MYO5B: variants seen among roughly 807,000 people sequenced by gnomAD.
The protein encoded by MYO5B is unconventional myosin-Vb.
MYO5B carries 143 observed loss-of-function variants against 229.3 expected under a neutral mutation model. That is an observed-to-expected ratio of 0.62 (90% confidence interval 0.54 to 0.72). The LOEUF is 0.72. Ranked by LOEUF, MYO5B falls within the 30% of genes least tolerant of loss-of-function variation. The probability of loss-of-function intolerance (pLI) is 0.00; values close to 1 mark genes in which losing one functional copy is unlikely to be tolerated. For missense variants in MYO5B, 2,321 were observed against 2,331.0 expected (o/e 1.00, Z 0.09); for synonymous variants, 918 against 885.2 (o/e 1.04, Z -0.66).
intron 1 of MYO5B, among the ~76,000 whole-genome samples, chr18:50,102,230 C>T (rs72917871): frequency 0.14 from 21,902 of 152,014 alleles, 1,664 homozygotes; most frequent in East Asian, 0.23. Context: ...AGGGGAACAA[C>T]ATACACTGAG....
intron 1 of MYO5B, among the ~76,000 whole-genome samples, chr18:50,122,003 G>A (rs943597076): frequency 6.6e-6 from 1 of 152,210 alleles, no homozygotes; most frequent in African/African-American, 2.4e-5. Context: ...AGTTCATGAG[G>A]CTTGCAGTCA....
At chr18:49,856,377 C>T (rs1453698998) in intron 30 of MYO5B, among the ~76,000 whole-genome samples, 2 of 152,158 alleles carry the variant, frequency 1.3e-5, no homozygotes, top group African/African-American at 4.8e-5. Flanking sequence ...ACATTTGGAG[C>T]ACAGCCAGCA....
At chr18:49,831,502 G>A (rs2023921453) in intron 39 of MYO5B, among the ~76,000 whole-genome samples, 1 of 152,104 alleles carries the variant, frequency 6.6e-6, no homozygotes, top group East Asian at 1.9e-4. Context: ...ATGGCCAATA[G>A]GCACACGAAA....
intron 33 of MYO5B, among the ~76,000 whole-genome samples, chr18:49,843,707 C>T (rs1477401737): frequency 6.6e-6 from 1 of 152,234 alleles, no homozygotes; most frequent in African/African-American, 2.4e-5. Context: ...GCAAGTTACA[C>T]AGATGCCTCA....
At chr18:49,936,165 C>G (rs1052646576) in intron 16 of MYO5B, 87 bp downstream of exon 16, 2 of 1,160,802 alleles carry the variant, frequency 1.7e-6, no homozygotes, top group African/African-American at 1.5e-5. Context: ...CTGAAGGCCA[C>G]AGACCCCCAG....
At chr18:50,058,881 C>G (rs954907001) in intron 1 of MYO5B, among the ~76,000 whole-genome samples, 1 of 152,108 alleles carries the variant, frequency 6.6e-6, no homozygotes, top group Non-Finnish European at 1.5e-5. Flanking sequence ...AACCTCTGTC[C>G]TTGTACTTAC....
rs62098715 is a variant in MYO5B at position 49,853,685 on chromosome 18, G to T, written c.4023-38C>A. On this transcript the variant is annotated intron_variant, in intron 30 of 39. Coordinates refer to ENST00000285039, the MANE Select transcript of MYO5B (RefSeq NM_001080467.3). The stretch of plus-strand genomic sequence containing the variant: ...GAGGACAGGTGAGCACGTGGCCCAG[G>T]CCAGGGCCCCCATCTGAGGGGACAC... 7 of 1,593,752 alleles carry T rather than the reference G, an allele frequency of 4.4e-6. No homozygotes were observed. The South Asian group carries it at 7.8e-5, about 18-fold the overall frequency.
intron 1 of MYO5B, among the ~76,000 whole-genome samples, chr18:50,159,461 G>C (rs2032730773): frequency 6.6e-6 from 1 of 152,000 alleles, no homozygotes; most frequent in Non-Finnish European, 1.5e-5. Flanking sequence ...TACAACCCAG[G>C]AAACTCAAGC....
chr18:49,864,364 G>A lies in MYO5B; in HGVS notation c.3620C>T (p.Ser1207Leu), dbSNP rs2024371242. 1.2e-6 allele frequency: 2 copies of A among 1,613,420 alleles called. No homozygotes were observed. The highest frequency in any genetic ancestry group is 1.7e-5 in the Admixed American group (1 of 60,012). ...GTCATTCTTCAGCTTTTTGTTCTCTGACTCCAGCTCTTGCCTCTGGAAGAC... is the reference window on the plus strand; with the variant it reads ...GTCATTCTTCAGCTTTTTGTTCTCTAACTCCAGCTCTTGCCTCTGGAAGAC... ...YNSLKRQELE[S>L]ENKKLKNDLN... The change falls in exon 28 of 40, where the codon TCA becomes TTA. Residue 1207 changes from serine to leucine, a missense_variant. Coordinates refer to ENST00000285039, the MANE Select transcript of MYO5B (RefSeq NM_001080467.3).
intron 1 of MYO5B, among the ~76,000 whole-genome samples, chr18:50,183,636 A>G (rs925875680): frequency 6.6e-6 from 1 of 152,064 alleles, no homozygotes; most frequent in Non-Finnish European, 1.5e-5. Flanking sequence ...GTTTTAGATC[A>G]GAAATACCCA....
chr18:49,945,940 G>C (rs1380065934), intron 14 of MYO5B, among the ~76,000 whole-genome samples: 1 of 152,192 alleles, frequency 6.6e-6, no homozygotes, highest in Non-Finnish European at 1.5e-5. Flanking sequence ...ATTCATGCCT[G>C]TCTGTCATGG....
chr18:50,161,178 G>A (rs1407262936), intron 1 of MYO5B, among the ~76,000 whole-genome samples: 2 of 152,198 alleles, frequency 1.3e-5, no homozygotes, highest in African/African-American at 4.8e-5. Flanking sequence ...GAGGTCAGGA[G>A]TTTGAGACCA....
At chr18:49,864,640 G>A (rs755863925) in intron 27 of MYO5B, among the ~76,000 whole-genome samples, 6 of 152,242 alleles carry the variant, frequency 3.9e-5, no homozygotes, top group Non-Finnish European at 8.8e-5. Flanking sequence ...AACAGTGTTC[G>A]TGTTGCTAAA....
In MYO5B at chr18:50,036,947, C is replaced by T; in HGVS notation, c.358G>A (p.Gly120Arg). Residue 120 changes from glycine to arginine, a missense_variant, in exon 4 of 40, where the codon GGA becomes AGA. Physicochemically the swap from Gly to Arg is moderately radical, Grantham distance 125. Transcript: ENST00000285039. ...INPYEQLPIY[G>R]QDVIYTYSGQ... ...CTGTAGGTATAGATGACATCTTGTC[C>T]ATAGATTGGCAACTGTTCATAAGGA... 6.2e-7 allele frequency: 1 copy of T among 1,614,118 alleles called. No individual in the cohort carries two copies. Among genetic ancestry groups the T allele is most frequent in the Non-Finnish European group, 8.5e-7 (1 of 1,180,012 alleles).
chr18:50,079,823 T>G (rs66563656), intron 1 of MYO5B, among the ~76,000 whole-genome samples: 39,794 of 152,016 alleles, frequency 0.26, 5,994 homozygotes, highest in African/African-American at 0.42. Flanking sequence ...CGTCTCCAGT[T>G]GAATGCCTGC....
At chr18:49,959,634 A>G (rs1440880429) in intron 12 of MYO5B, among the ~76,000 whole-genome samples, 2 of 152,212 alleles carry the variant, frequency 1.3e-5, no homozygotes, top group Non-Finnish European at 2.9e-5. Context: ...CGCCCCACTC[A>G]GACCTGCCGT....
At chr18:50,175,928 CT>C (rs2144340468) in intron 1 of MYO5B, among the ~76,000 whole-genome samples, 1 of 152,370 alleles carries the variant, frequency 6.6e-6, no homozygotes, top group African/African-American at 2.4e-5. Flanking sequence ...GGTCATACTG[CT>C]TTTTGGAAGA....
chr18:50,030,865 AC>A (rs2026379487), intron 4 of MYO5B, among the ~76,000 whole-genome samples: 1 of 103,864 alleles, frequency 9.6e-6, no homozygotes, highest in African/African-American at 3.8e-5. Context: ...CAGCATCCCC[AC>A]TCCCTTTCAG....
chr18:50,083,567 G>A (rs73446688), intron 1 of MYO5B, among the ~76,000 whole-genome samples: 17,760 of 152,210 alleles, frequency 0.12, 2,114 homozygotes, highest in African/African-American at 0.31. Flanking sequence ...ATACACATTT[G>A]TCACAGGCAT....
Sources: gnomAD v4.1 joint callset for allele counts (sites outside exome capture counted in the v4.1 genomes callset) on GRCh38, gnomAD v4.1.1 for gene constraint, MANE v1.5 for transcripts, NCBI Gene and HGNC (gene_info 2026-07-23, HGNC 2026-07-21) for gene names.